The following HEXA variants were observed in gnomAD, a reference collection of about 807,000 sequenced individuals.
The protein encoded by HEXA is beta-hexosaminidase subunit alpha.
A neutral mutation model predicts 73.3 loss-of-function variants in HEXA; 54 were observed. The observed-to-expected ratio is 0.74, with a 90% CI of 0.59 to 0.92. HEXA has a LOEUF of 0.92. Ranked by LOEUF, HEXA falls within the 40% of genes least tolerant of loss-of-function variation. The pLI is 0.00. For synonymous variants in HEXA, 230 were observed against 246.9 expected, an observed-to-expected ratio of 0.93 and a Z score of 0.64; for missense variants, 649 against 653.0, an observed-to-expected ratio of 0.99 and a Z score of 0.07.
Position 72,343,782 on chromosome 15 carries a change from C to A in HEXA, c.*295G>T. The A allele has an allele frequency of 5.0e-6, 2 of 401,616 alleles. No homozygotes were observed. Among genetic ancestry groups the A allele is most frequent in the Non-Finnish European group, 9.5e-6 (2 of 211,138 alleles). The allele number at this position is 401,616 out of a possible 1,614,324, so 24.9% of individuals were successfully genotyped here. A position where few individuals can be genotyped will look rare whatever the true frequency, so the allele number is the denominator to read the frequency against. ...CAAAGGCTATAGGTTTCATTCCCAG[C>A]CCTCAACTTAAAAGACCTCAGGGGC... On this transcript the variant is annotated 3_prime_UTR_variant, in exon 14 of 14. Coordinates refer to ENST00000268097, the MANE Select transcript of HEXA (RefSeq NM_000520.6).
chr15:72,375,632 C>CGTAT, intron 1 of HEXA, 88 bp downstream of exon 1: 1 of 1,489,600 alleles, frequency 6.7e-7, no homozygotes, highest in Admixed American at 1.8e-5. Context: ...GGACAAAAGC[C>CGTAT]CATAGGGCGT....
rs2088561792 is a variant in HEXA, at chr15:72,342,393, T to C, written c.*1684A>G. On this transcript the variant is annotated 3_prime_UTR_variant, in exon 14 of 14. Coordinates refer to ENST00000268097, the MANE Select transcript of HEXA (RefSeq NM_000520.6). ...CAGATCCTTCTCAGCCCTGCCTTCC[T>C]GAAGTTTCTGTATCCACTACACTGG... 1 of 152,178 alleles carries C rather than the reference T, an allele frequency of 6.6e-6. No homozygotes were observed. 9.4% of individuals were successfully genotyped at this position (152,178 alleles called of 1,614,324 possible).
intron 8 of HEXA, among the ~76,000 whole-genome samples, chr15:72,348,512 T>C (rs1287746017): frequency 6.6e-6 from 1 of 152,246 alleles, no homozygotes; most frequent in African/African-American, 2.4e-5. Flanking sequence ...TAACACCTGC[T>C]GCAGATCCCT....
At chr15:72,345,653 C>T in intron 12 of HEXA, 103 bp from the exon 13 acceptor site, 1 of 1,551,550 alleles carries the variant, frequency 6.4e-7, no homozygotes, top group Non-Finnish European at 8.7e-7. Flanking sequence ...TGGACTCACT[C>T]AGGCCAAAGG....
intron 1 of HEXA, among the ~76,000 whole-genome samples, chr15:72,369,225 C>G (rs1595811950): frequency 1.3e-5 from 2 of 152,318 alleles, no homozygotes; most frequent in East Asian, 3.9e-4. Context: ...GGGTTTTATT[C>G]ATTACAGCCA....
intron 5 of HEXA, 43 bp from the exon 6 acceptor site, chr15:72,351,277 C>T (rs768223779): frequency 1.4e-5 from 19 of 1,321,888 alleles, no homozygotes; most frequent in East Asian, 4.6e-5. Context: ...ACAGTCTCTC[C>T]GGTTTCAGCC....
chr15:72,368,927 C>T (rs1020963482), intron 1 of HEXA, among the ~76,000 whole-genome samples: 1 of 152,236 alleles, frequency 6.6e-6, no homozygotes, highest in African/African-American at 2.4e-5. Context: ...TAAGGCATCT[C>T]TCTTACCCCC....
chr15:72,360,874 G>A (rs1022144793), intron 1 of HEXA, among the ~76,000 whole-genome samples: 1 of 152,176 alleles, frequency 6.6e-6, no homozygotes, highest in African/African-American at 2.4e-5. Flanking sequence ...AAGGTTAAAT[G>A]AGTTAATACA....
At chr15:72,350,176 T>C (rs777766420) in intron 7 of HEXA, 10 of 375,080 alleles carry the variant, frequency 2.7e-5, no homozygotes, top group Admixed American at 2.6e-4. Context: ...GCAGGGGTAC[T>C]GACTGACTCT....
At chr15:72,344,175 C>A (rs1357786356) in intron 13 of HEXA, 35 bp from the exon 14 acceptor site, 2 of 1,582,380 alleles carry the variant, frequency 1.3e-6, no homozygotes, top group African/African-American at 2.7e-5. Context: ...CAAGATAAGC[C>A]CCTCAGAAGG....
chr15:72,353,233 C>T, intron 4 of HEXA, 55 bp from the exon 5 acceptor site: 1 of 1,027,962 alleles, frequency 9.7e-7, no homozygotes, highest in Non-Finnish European at 1.5e-6. Flanking sequence ...ACTATGGGGG[C>T]ACAGGGAGAT....
intron 1 of HEXA, chr15:72,360,169 C>T (rs959802293): frequency 6.5e-6 from 1 of 153,274 alleles, no homozygotes; most frequent in African/African-American, 2.4e-5. Context: ...ATCAATCTAA[C>T]ATCTGCCTGC....
chr15:72,355,539 A>C lies in HEXA; in HGVS notation c.412+20T>G. 6.4e-7 allele frequency: 1 copy of C among 1,553,552 alleles called. No individual in the cohort carries two copies. The highest frequency in any genetic ancestry group is 8.9e-7 in the Non-Finnish European group (1 of 1,124,802). On this transcript the variant is annotated intron_variant, in intron 3 of 13. Transcript: ENST00000268097. ...ACATCATCCTTTCTCTCTCTCTTTT[A>C]ATCAGCCCCAATTTGTTACCTCGGA...
chr15:72,346,778 C>CG, intron 10 of HEXA, 68 bp from the exon 11 acceptor site: 1 of 1,444,376 alleles, frequency 6.9e-7, no homozygotes, highest in Non-Finnish European at 9.7e-7. Flanking sequence ...TATTCATACA[C>CG]AGGCAACATG....
chr15:72,356,676 C>T (rs1158972035), intron 1 of HEXA, 59 bp from the exon 2 acceptor site: 3 of 1,608,734 alleles, frequency 1.9e-6, no homozygotes, highest in Non-Finnish European at 2.5e-6. Flanking sequence ...ACAGGCAAAA[C>T]CAAGACCCTA....
chr15:72,351,956 T>TC (rs1408532677), intron 5 of HEXA, among the ~76,000 whole-genome samples: 1 of 139,364 alleles, frequency 7.2e-6, no homozygotes, highest in African/African-American at 2.9e-5. Flanking sequence ...TTCCTTCACT[T>TC]ATTTATTTAT....
At chr15:72,361,789 A>G (rs910722018) in intron 1 of HEXA, among the ~76,000 whole-genome samples, 3 of 152,238 alleles carry the variant, frequency 2.0e-5, no homozygotes, top group Admixed American at 1.3e-4. Flanking sequence ...AAGTCTTACA[A>G]TTACACAATC....
chr15:72,375,604 GCC>G, intron 1 of HEXA, 114 bp downstream of exon 1: 3 of 1,107,544 alleles, frequency 2.7e-6, no homozygotes, highest in Admixed American at 2.2e-5. Context: ...GAAGTGGAGT[GCC>G]TGTGATCAGA....
At chr15:72,352,540 G>A (rs952824235) in intron 5 of HEXA, among the ~76,000 whole-genome samples, 5 of 151,956 alleles carry the variant, frequency 3.3e-5, no homozygotes, top group East Asian at 3.9e-4. Flanking sequence ...TTGTATCCCT[G>A]GAAACAGCCT....
Sources: gnomAD v4.1 joint callset for allele counts (sites outside exome capture counted in the v4.1 genomes callset) on GRCh38, gnomAD v4.1.1 for gene constraint, MANE v1.5 for transcripts, NCBI Gene and HGNC (gene_info 2026-07-23, HGNC 2026-07-21) for gene names.